Variants in GARS1 observed in about 807,000 individuals in gnomAD.
The protein encoded by GARS1 is glycyl-tRNA synthetase 1.
GARS1 carries 46 observed loss-of-function variants against 86.4 expected under a neutral mutation model. The ratio of observed to expected loss-of-function variants is 0.53; its 90% CI spans 0.42 to 0.68. The LOEUF (loss-of-function observed/expected upper bound fraction) is 0.68. Ranked by LOEUF, GARS1 falls within the 30% of genes least tolerant of loss-of-function variation. The probability of loss-of-function intolerance (pLI) is 0.00; values close to 1 mark genes in which losing one functional copy is unlikely to be tolerated. For missense variants in GARS1, 797 were observed against 915.6 expected, an observed-to-expected ratio of 0.87 and a Z score of 1.67; for synonymous variants, 342 against 329.8, an observed-to-expected ratio of 1.04 and a Z score of -0.40.
chr7:30,625,832 T>C (rs1297202066), intron 12 of GARS1, among the ~76,000 whole-genome samples: 1 of 152,240 alleles, frequency 6.6e-6, no homozygotes, highest in Non-Finnish European at 1.5e-5. Context: ...GCTGGTTCAT[T>C]TGTACATTTG....
rs748330956 is a variant in GARS1 at position 30,603,514 on chromosome 7, T to C, written c.677T>C (p.Met226Thr). Residue 226 changes from methionine to threonine, a missense_variant, in exon 6 of 17, where the codon ATG becomes ACG. Physicochemically the swap from Met to Thr is moderately conservative, Grantham distance 81. This residue lies in a region of GARS1 where 598 missense variants were observed against 738.7 expected (regional missense o/e 0.81). Coordinates refer to ENST00000389266, the MANE Select transcript of GARS1 (RefSeq NM_002047.4). ...CTTACAGCTCATTTACAGAAATTGA[T>C]GTCTGATAAGAAGTGTTCTGTCGAA... ...HLLKAHLQKL[M>T]SDKKCSVEKK... is the part of the protein sequence containing the mutation. 1 of 1,613,812 alleles carries C rather than the reference T, an allele frequency of 6.2e-7. No homozygotes were observed. The highest frequency in any genetic ancestry group is 1.7e-5 in the Admixed American group (1 of 60,034).
chr7:30,622,053 G>A (rs1399647482), intron 11 of GARS1: 2 of 482,682 alleles, frequency 4.1e-6, no homozygotes, highest in Admixed American at 3.3e-5. Context: ...TATGCTATGG[G>A]TTGGGTCATT....
chr7:30,596,676 TTAAGA>T (rs1357257013), intron 1 of GARS1, among the ~76,000 whole-genome samples: 2 of 152,230 alleles, frequency 1.3e-5, no homozygotes, highest in Non-Finnish European at 2.9e-5. Flanking sequence ...GTTTTGTACT[TTAAGA>T]TATTTTCCGA....
intron 11 of GARS1, 174 bp from the exon 12 acceptor site, chr7:30,622,143 T>G: frequency 1.4e-6 from 1 of 698,862 alleles, no homozygotes; most frequent in Non-Finnish European, 2.5e-6. Flanking sequence ...ATGAGAGTTG[T>G]CTGAATGATT....
chr7:30,627,059 C>T (rs1783143860), intron 13 of GARS1: 1 of 464,436 alleles, frequency 2.2e-6, no homozygotes, highest in South Asian at 1.6e-5. Flanking sequence ...TTTTGTAGAA[C>T]AAATTCTGTG....
At chr7:30,595,243 G>C (rs1328773139) in intron 1 of GARS1, 100 bp downstream of exon 1, 1 of 1,134,446 alleles carries the variant, frequency 8.8e-7, no homozygotes. Flanking sequence ...CCTCCTCTTC[G>C]GTTACCCCTT....
intron 8 of GARS1, among the ~76,000 whole-genome samples, chr7:30,613,573 C>T (rs1659402705): frequency 6.6e-6 from 1 of 152,328 alleles, no homozygotes; most frequent in East Asian, 1.9e-4. Context: ...AAGGCAGTGT[C>T]TGGGGCCTGT....
chr7:30,619,825 T>C (rs1278019322), intron 10 of GARS1, among the ~76,000 whole-genome samples: 2 of 148,758 alleles, frequency 1.3e-5, no homozygotes, highest in East Asian at 2.0e-4. Context: ...TCACCCAGGC[T>C]GGAGTGCAGT....
intron 6 of GARS1, 42 bp downstream of exon 6, chr7:30,603,614 G>A (rs758641174): frequency 1.1e-5 from 16 of 1,399,192 alleles, no homozygotes; most frequent in South Asian, 4.6e-5. Context: ...CTAGGTGGTC[G>A]CTGTCCTTCT....
Position 30,594,879 on chromosome 7 carries a change from C to A in GARS1, c.-43C>A, listed in dbSNP as rs564177184. 1.3e-6 allele frequency: 2 copies of A among 1,495,478 alleles called. No individual in the cohort carries two copies. Among genetic ancestry groups the A allele is most frequent in the Admixed American group, 2.0e-5 (1 of 50,646 alleles). 92.6% of individuals were successfully genotyped at this position (1,495,478 alleles called of 1,614,324 possible). On this transcript the variant is annotated 5_prime_UTR_variant, in exon 1 of 17. Transcript: ENST00000389266. ...GCTCCGAGCCGGGCGGCGCGCGCCG[C>A]TTCCGTCGCCACCCTCTCTGGACAG...
At chr7:30,617,045 T>C in intron 9 of GARS1, 69 bp from the exon 10 acceptor site, 2 of 1,507,838 alleles carry the variant, frequency 1.3e-6, no homozygotes, top group Non-Finnish European at 1.8e-6. Flanking sequence ...GAAACCGATA[T>C]CTTGGCTTTG....
chr7:30,610,069 A>T (rs1791566122), intron 7 of GARS1, among the ~76,000 whole-genome samples: 1 of 152,218 alleles, frequency 6.6e-6, no homozygotes, highest in South Asian at 2.1e-4. Flanking sequence ...GAAACCATTT[A>T]GTTTAGCATG....
chr7:30,633,723 C>T lies in GARS1; in HGVS notation c.2095-12C>T. 3 of 1,613,718 alleles carry T rather than the reference C, an allele frequency of 1.9e-6. No individual in the cohort carries two copies. Among genetic ancestry groups the T allele is most frequent in the Non-Finnish European group, 1.7e-6 (2 of 1,179,870 alleles). On this transcript the variant is annotated splice_polypyrimidine_tract_variant and intron_variant, in intron 16 of 16. Coordinates refer to ENST00000389266, the MANE Select transcript of GARS1 (RefSeq NM_002047.4). ...GTTGGTTGATACTTGGCTTCTCTTT[C>T]CTTGTCTCTAGATCTCTGAGCTGCC...
At chr7:30,604,190 C>T (rs540823757) in intron 6 of GARS1, among the ~76,000 whole-genome samples, 2 of 152,238 alleles carry the variant, frequency 1.3e-5, no homozygotes, top group East Asian at 3.9e-4. Context: ...TGTTGGGTCA[C>T]AGACCACCCT....
At chr7:30,617,305 A>T (rs781181514) in intron 10 of GARS1, 27 bp downstream of exon 10, 5 of 1,611,142 alleles carry the variant, frequency 3.1e-6, no homozygotes, top group East Asian at 2.2e-5. Context: ...TTACCATGTG[A>T]TTTTCACATT....
At chr7:30,602,151 C>T (rs1354936224) in intron 4 of GARS1, among the ~76,000 whole-genome samples, 2 of 145,388 alleles carry the variant, frequency 1.4e-5, no homozygotes, top group Non-Finnish European at 3.0e-5. Context: ...TGCAGTGGGG[C>T]GATCTCTGCT....
Position 30,598,854 on chromosome 7 carries a change from C to A in GARS1, c.281C>A (p.Ala94Glu), listed in dbSNP as rs1389930859. 12 of 1,614,046 alleles carry A rather than the reference C, an allele frequency of 7.4e-6. No homozygotes were observed. Among genetic ancestry groups the A allele is most frequent in the Non-Finnish European group, 9.3e-6 (11 of 1,180,020 alleles). The change falls in exon 2 of 17, where the codon GCA becomes GAA. Residue 94 changes from alanine (A) to glutamate (E), a missense_variant. By Grantham distance (107) the Ala-to-Glu change is moderately radical (BLOSUM62 -1). Coordinates refer to ENST00000389266, the MANE Select transcript of GARS1 (RefSeq NM_002047.4). ...DKAPQVDVDK[A>E]VAELKARKRV... Reference sequence around the variant, plus strand: ...GCACCCCAAGTAGACGTAGACAAAGCAGTGGCTGAGCTCAAAGCCCGCAAG... The same window carrying A: ...GCACCCCAAGTAGACGTAGACAAAGAAGTGGCTGAGCTCAAAGCCCGCAAG...
rs768342741 is a variant in GARS1 at position 30,632,313 on chromosome 7, G to A, written c.1970G>A (p.Arg657His). 1.9e-6 allele frequency: 3 copies of A among 1,614,142 alleles called. No homozygotes were observed. The highest frequency in any genetic ancestry group is 2.5e-6 in the Non-Finnish European group (3 of 1,180,014). The change falls in exon 16 of 17, where the codon CGC (arginine) becomes CAC (histidine). Residue 657 changes from arginine to histidine, a missense_variant. Physicochemically the swap from Arg to His is conservative, Grantham distance 29. Coordinates refer to ENST00000389266, the MANE Select transcript of GARS1 (RefSeq NM_002047.4). The surrounding 1 kb of genome is among the most constrained non-coding windows in gnomAD (Gnocchi z 4.1). ...GATTCCTCTGGGTCAATCGGAAGGC[G>A]CTATGCCAGGACTGATGAGATTGGC... ...VDDSSGSIGR[R>H]YARTDEIGVA...
chr7:30,616,034 G>A lies in GARS1; in HGVS notation c.1170G>A (p.Met390Ile), dbSNP rs1436808636. Residue 390 changes from methionine to isoleucine, a missense_variant, in exon 9 of 17, where the codon ATG becomes ATA. Transcript: ENST00000389266. ...AQVSGQSARK[M>I]RLGDAVEQGV... ...TCAGCGGACAGTCCGCTCGGAAAATGCGCCTGGGAGATGCTGTTGAACAGG... is the reference window on the plus strand; with the variant it reads ...TCAGCGGACAGTCCGCTCGGAAAATACGCCTGGGAGATGCTGTTGAACAGG... The A allele has an allele frequency of 2.5e-6, 4 of 1,614,194 alleles. No homozygotes were observed. In the Middle Eastern group the frequency reaches 6.6e-4, roughly 267 times the overall value.
Sources: allele counts gnomAD v4.1 joint callset (sites outside exome capture counted in the v4.1 genomes callset), GRCh38; gene constraint gnomAD v4.1.1; regional missense constraint gnomAD v4.1.1; non-coding constraint Gnocchi (gnomAD v3.1); transcripts MANE v1.5; gene names NCBI Gene and HGNC (gene_info 2026-07-23, HGNC 2026-07-21).